IL4: variants seen among roughly 807,000 people sequenced by gnomAD.
The protein encoded by IL4 is interleukin 4, also known as interleukin-4.
A neutral mutation model predicts 17.4 loss-of-function variants in IL4; 10 were observed. The observed-to-expected ratio is 0.57, with a 90% confidence interval of 0.35 to 0.97. IL4 has a LOEUF of 0.97. IL4 is among the 50% of genes least tolerant of loss of function. The probability of loss-of-function intolerance (pLI) is 0.01; values close to 1 mark genes in which losing one functional copy is unlikely to be tolerated. For missense variants in IL4, 174 were observed against 187.7 expected, an observed-to-expected ratio of 0.93 and a Z score of 0.43; for synonymous variants, 87 against 79.0, an observed-to-expected ratio of 1.10 and a Z score of -0.54.
intron 2 of IL4, 92 bp from the exon 3 acceptor site, chr5:132,679,622 C>T: frequency 8.7e-7 from 1 of 1,144,042 alleles, no homozygotes; most frequent in Non-Finnish European, 1.3e-6. Flanking sequence ...CTCCATTTGT[C>T]CTCCTGGAAA....
chr5:132,679,992 C>CCATT, intron 3 of IL4, 102 bp downstream of exon 3: 1 of 957,842 alleles, frequency 1.0e-6, no homozygotes, highest in Non-Finnish European at 1.5e-6. Context: ...CTTGGTCAAC[C>CCATT]CATTCATTCA....
chr5:132,679,051 A>G (rs576015507), intron 2 of IL4, among the ~76,000 whole-genome samples: 7 of 152,338 alleles, frequency 4.6e-5, no homozygotes, highest in Middle Eastern at 3.4e-3. Flanking sequence ...ACCTGCTCCC[A>G]GAGCCTCCTC....
intron 2 of IL4, 77 bp downstream of exon 2, chr5:132,674,583 A>G: frequency 1.6e-6 from 2 of 1,239,972 alleles, no homozygotes; most frequent in Admixed American, 1.8e-5. Context: ...AACTTGTCTA[A>G]TGGAAAACGA....
At chr5:132,681,777 G>T (rs995763287) in intron 3 of IL4, among the ~76,000 whole-genome samples, 2 of 152,158 alleles carry the variant, frequency 1.3e-5, no homozygotes, top group African/African-American at 4.8e-5. Context: ...ACAAGGACAT[G>T]TATCCCCTCT....
chr5:132,677,468 C>T (rs772382516), intron 2 of IL4, among the ~76,000 whole-genome samples: 4 of 152,294 alleles, frequency 2.6e-5, no homozygotes, highest in Admixed American at 6.5e-5. Context: ...GTCGCCCCCT[C>T]GCTGCGATAC....
Position 132,680,925 on chromosome 5 carries a change from C to A in IL4, c.360+1035C>A, listed in dbSNP as rs543896376. On this transcript the variant is annotated intron_variant, in intron 3 of 3. Transcript: ENST00000231449. The surrounding 1 kb of genome is among the most constrained non-coding windows in gnomAD (Gnocchi z 4.3). ...CCTCTTTGTTCCTGCCCAAACCCCT[C>A]TGGCGATGGTCAGTACTGTTTACAG... 6.6e-6 allele frequency among the ~76,000 whole-genome samples: 1 copy of A among 152,334 alleles called. No individual in the cohort carries two copies. The highest frequency in any genetic ancestry group is 2.1e-4 in the South Asian group (1 of 4,820).
intron 2 of IL4, among the ~76,000 whole-genome samples, chr5:132,675,681 C>T (rs903747489): frequency 9.9e-5 from 15 of 151,788 alleles, no homozygotes; most frequent in Non-Finnish European, 2.1e-4. Context: ...CCCAAGTAGC[C>T]GGGACGACAG....
intron 2 of IL4, among the ~76,000 whole-genome samples, chr5:132,677,176 C>T (rs1211017341): frequency 2.6e-5 from 4 of 152,212 alleles, no homozygotes; most frequent in African/African-American, 7.2e-5. Flanking sequence ...ATAATGAATG[C>T]AGTGCCAATC....
chr5:132,674,785 A>T (rs1752347999), intron 2 of IL4, among the ~76,000 whole-genome samples: 1 of 152,252 alleles, frequency 6.6e-6, no homozygotes, highest in South Asian at 2.1e-4. Context: ...TAGCTTTGGC[A>T]TAGTGCCTGG....
chr5:132,682,395 G>A (rs1561679175), intron 3 of IL4, 91 bp from the exon 4 acceptor site: 3 of 758,530 alleles, frequency 4.0e-6, no homozygotes, highest in African/African-American at 3.5e-5. Flanking sequence ...TAAGTGTTCA[G>A]GTGACAAGTG....
intron 3 of IL4, among the ~76,000 whole-genome samples, chr5:132,681,143 C>T (rs763606102): frequency 1.2e-4 from 19 of 152,250 alleles, no homozygotes; most frequent in African/African-American, 3.1e-4. Context: ...TAGATAGATA[C>T]TGCTGAAAAT....
chr5:132,678,159 T>A (rs1417559195), intron 2 of IL4, among the ~76,000 whole-genome samples: 1 of 152,180 alleles, frequency 6.6e-6, no homozygotes, highest in African/African-American at 2.4e-5. Flanking sequence ...ACACAAAGAT[T>A]TCTATAGTTT....
intron 3 of IL4, among the ~76,000 whole-genome samples, chr5:132,681,465 G>A (rs541317170): frequency 1.3e-5 from 2 of 152,316 alleles, no homozygotes; most frequent in South Asian, 4.1e-4. Flanking sequence ...GGCTCACCGA[G>A]GATAGGGTGG....
Position 132,674,048 on chromosome 5 carries a change from T to C in IL4, c.-3T>C. The C allele has an allele frequency of 6.2e-7, 1 of 1,614,082 alleles. No individual in the cohort carries two copies. Among genetic ancestry groups the C allele is most frequent in the Non-Finnish European group, 8.5e-7 (1 of 1,179,942 alleles). On this transcript the variant is annotated 5_prime_UTR_variant, in exon 1 of 4. Coordinates refer to ENST00000231449, the MANE Select transcript of IL4 (RefSeq NM_000589.4). ...CATTGTCACTGCAAATCGACACCTA[T>C]TAATGGGTCTCACCTCCCAACTGCT...
At chr5:132,674,976 C>T (rs889052637) in intron 2 of IL4, among the ~76,000 whole-genome samples, 4 of 152,240 alleles carry the variant, frequency 2.6e-5, no homozygotes, top group Admixed American at 6.5e-5. Flanking sequence ...CCCTCCTCTT[C>T]CACAGCCTGG....
chr5:132,674,262 A>G, intron 1 of IL4, 77 bp downstream of exon 1: 1 of 1,545,128 alleles, frequency 6.5e-7, no homozygotes, highest in East Asian at 2.3e-5. Flanking sequence ...AAACGTTAAC[A>G]GCTGCTAGAG....
rs1382770418 is a variant in IL4 at position 132,679,579 on chromosome 5, C to T, written c.184-135C>T. 6.6e-6 allele frequency: 5 copies of T among 754,646 alleles called. No homozygotes were observed. In the East Asian group the frequency reaches 1.3e-4, roughly 19 times the overall value. 46.7% of individuals were successfully genotyped at this position (754,646 alleles called of 1,614,324 possible). On this transcript the variant is annotated intron_variant, in intron 2 of 3. Coordinates refer to ENST00000231449, the MANE Select transcript of IL4 (RefSeq NM_000589.4). ...CAAGCAGCCTTCCTTCAGTGGAATA[C>T]TTGAAGACAGGTCTGTAGTTGAGCA...
chr5:132,681,888 G>A (rs1037555882), intron 3 of IL4, among the ~76,000 whole-genome samples: 7 of 152,140 alleles, frequency 4.6e-5, no homozygotes, highest in Admixed American at 1.3e-4. Context: ...TTATGAAGCA[G>A]GCAAGTAGGC....
In IL4 at chr5:132,674,442, T is replaced by C. The variant is rs1752340960; in HGVS notation, c.136-17T>C. 1.2e-6 allele frequency: 2 copies of C among 1,613,746 alleles called. No individual in the cohort carries two copies. The highest frequency in any genetic ancestry group is 1.6e-4 in the Middle Eastern group (1 of 6,062). ...GTTAACTCTGTCTCTTGCTCTCTCA[T>C]TTCTGCCTGGACCAAGACTCTGTGC... On this transcript the variant is annotated splice_polypyrimidine_tract_variant and intron_variant, in intron 1 of 3. Transcript: ENST00000231449.
Sources: allele counts gnomAD v4.1 joint callset (sites outside exome capture counted in the v4.1 genomes callset), GRCh38; gene constraint gnomAD v4.1.1; non-coding constraint Gnocchi (gnomAD v3.1); transcripts MANE v1.5; gene names NCBI Gene and HGNC (gene_info 2026-07-23, HGNC 2026-07-21).